The following SSBP4 variants were observed in gnomAD, a reference collection of about 807,000 sequenced individuals.
The protein encoded by SSBP4 is single stranded DNA binding protein 4, also known as single-stranded DNA-binding protein 4.
Under a neutral mutation model 64.6 loss-of-function variants are expected in SSBP4, and 33 were observed. The ratio of observed to expected loss-of-function variants is 0.51; its 90% CI spans 0.39 to 0.68. The LOEUF is 0.68. SSBP4 is among the 30% of genes least tolerant of loss of function. The probability of loss-of-function intolerance (pLI) is 0.00; values close to 1 mark genes in which losing one functional copy is unlikely to be tolerated. For synonymous variants in SSBP4, 243 were observed against 224.0 expected (o/e 1.08, Z -0.76); for missense variants, 583 against 566.8 (o/e 1.03, Z -0.29).
At chr19:18,434,183 G>C (rs1379106755) in intron 17 of SSBP4, 34 bp from the exon 18 acceptor site, 8 of 1,609,220 alleles carry the variant, frequency 5.0e-6, no homozygotes, top group South Asian at 1.1e-5. Context: ...AGCTGAACTC[G>C]GCCCCTGCGC....
chr19:18,430,258 C>G (rs980214361), intron 4 of SSBP4, among the ~76,000 whole-genome samples: 1 of 152,166 alleles, frequency 6.6e-6, no homozygotes, highest in African/African-American at 2.4e-5. Flanking sequence ...CCTGTAGGCC[C>G]CATAGCAGAC....
the SSBP4 span, among the ~76,000 whole-genome samples, chr19:18,406,885 T>G: frequency 6.6e-6 from 1 of 152,064 alleles, no homozygotes; most frequent in Non-Finnish European, 1.5e-5. Flanking sequence ...GAAGGTGGAC[T>G]GACATGGACA....
Position 18,419,485 on chromosome 19 carries a change from C to T in SSBP4, c.-164C>T, listed in dbSNP as rs1001111070. ...GGAGCTGGAGCCGCCGCTGCCGCCG[C>T]CGCCGCGGCCGTCTGGAGCTCCCCC... On this transcript the variant is annotated 5_prime_UTR_variant, in exon 1 of 18. Transcript: ENST00000270061. 16 of 1,087,582 alleles carry T rather than the reference C, an allele frequency of 1.5e-5. No homozygotes were observed. The African/African-American group carries it at 2.5e-4, about 17-fold the overall frequency. The allele number at this position is 1,087,582 out of a possible 1,614,324, so 67.4% of individuals were successfully genotyped here. A position where few individuals can be genotyped will look rare whatever the true frequency, so the allele number is the denominator to read the frequency against.
At chr19:18,433,285 C>T (rs1973624918) in intron 15 of SSBP4, 72 bp downstream of exon 15, 4 of 1,509,962 alleles carry the variant, frequency 2.6e-6, no homozygotes, top group Non-Finnish European at 2.7e-6. Flanking sequence ...TTCCCCCTGC[C>T]GTCAGCCCGC....
chr19:18,419,166 G>A (rs1972246192), upstream of SSBP4: 4 of 985,650 alleles, frequency 4.1e-6, no homozygotes, highest in Non-Finnish European at 4.8e-6. Context: ...GAACGTGTGT[G>A]TGCACGCGCG....
At chr19:18,428,564 T>C (rs1021538985) in intron 4 of SSBP4, among the ~76,000 whole-genome samples, 1 of 152,114 alleles carries the variant, frequency 6.6e-6, no homozygotes, top group African/African-American at 2.4e-5. Flanking sequence ...CCTGTTGTCA[T>C]GGGGCAGCAG....
rs1399716657 is a variant in SSBP4 at position 18,423,548 on chromosome 19, C to T, written c.60-3803C>T. On this transcript the variant is annotated intron_variant, in intron 1 of 17. Transcript: ENST00000270061. The surrounding 1 kb of genome is among the most constrained non-coding windows in gnomAD (Gnocchi z 4.0). ...CAGGTGTCTCCTGCCCCAGCAGCAT[C>T]TGTGTCTAGGAAGGCGCTGAGCAGG... Among the ~76,000 whole-genome samples, 5 of 152,204 alleles carry T rather than the reference C, an allele frequency of 3.3e-5. No individual in the cohort carries two copies. The highest frequency in any genetic ancestry group is 2.6e-4 in the Admixed American group (4 of 15,290).
At chr19:18,416,582 T>A (rs1401488786), upstream of SSBP4, among the ~76,000 whole-genome samples, 1 of 151,994 alleles carries the variant, frequency 6.6e-6, no homozygotes, top group Non-Finnish European at 1.5e-5. Context: ...TCTCACCCCC[T>A]CCCCTCTGGG....
chr19:18,419,349 C>T (rs1260022245), upstream of SSBP4: 11 of 1,018,382 alleles, frequency 1.1e-5, no homozygotes, highest in African/African-American at 1.7e-5. Flanking sequence ...CCGCGGGCGG[C>T]GTAGAGGCAG....
chr19:18,431,377 C>A lies in SSBP4; in HGVS notation c.394C>A (p.Pro132Thr). The A allele has an allele frequency of 7.1e-7, 1 of 1,414,378 alleles. No individual in the cohort carries two copies. The highest frequency in any genetic ancestry group is 9.6e-7 in the Non-Finnish European group (1 of 1,038,610). The allele number at this position is 1,414,378 out of a possible 1,614,324, so 87.6% of individuals were successfully genotyped here. A position where few individuals can be genotyped will look rare whatever the true frequency, so the allele number is the denominator to read the frequency against. Residue 132 changes from proline to threonine, a missense_variant, in exon 6 of 18, where the codon CCC becomes ACC. Physicochemically the swap from Pro to Thr is conservative, Grantham distance 38. Coordinates refer to ENST00000270061, the MANE Select transcript of SSBP4 (RefSeq NM_032627.5). ...FQGPPGSQPS[P>T]HNPNAPMMGP... The stretch of plus-strand genomic sequence containing the variant: ...GGGCCCCCCCGGCTCCCAGCCGTCC[C>A]CCCACAACCCCAACGCCCCCATGAT...
chr19:18,408,187 A>G, the SSBP4 span, among the ~76,000 whole-genome samples: 3 of 152,240 alleles, frequency 2.0e-5, no homozygotes, highest in Non-Finnish European at 2.9e-5. Context: ...AGTGACGCTG[A>G]CCACGGGAGG....
At chr19:18,433,477 CGGG>C (rs1973665047) in intron 15 of SSBP4, 105 bp from the exon 16 acceptor site, 1 of 914,552 alleles carries the variant, frequency 1.1e-6, no homozygotes, top group African/African-American at 3.9e-5. Flanking sequence ...CTGTGCGGGG[CGGG>C]GGCGCGTCGG....
chr19:18,419,735 G>A (rs2144667693), intron 1 of SSBP4, 28 bp downstream of exon 1: 2 of 1,137,002 alleles, frequency 1.8e-6, no homozygotes, highest in East Asian at 8.9e-5. Flanking sequence ...GGCGGGGCTC[G>A]GCGTCCGCGC....
chr19:18,432,545 G>GCGGTCTCTT lies in SSBP4; in HGVS notation c.705-12_705-4dup. ...GGACTAGCCCCAGAGTCTGTCATCC[G>GCGGTCTCTT]CGGTCTCTTCCAGGGGCCCAGGAGT... On this transcript the variant is annotated splice_polypyrimidine_tract_variant and intron_variant, in intron 10 of 17. Transcript: ENST00000270061. 6.4e-7 allele frequency: 1 copy of GCGGTCTCTT among 1,566,840 alleles called. No homozygotes were observed. Among genetic ancestry groups the GCGGTCTCTT allele is most frequent in the Non-Finnish European group, 8.7e-7 (1 of 1,152,880 alleles).
At chr19:18,425,108 G>A (rs1383228912) in intron 1 of SSBP4, among the ~76,000 whole-genome samples, 30 of 150,996 alleles carry the variant, frequency 2.0e-4, no homozygotes, top group Non-Finnish European at 3.5e-4. Flanking sequence ...CGGAGAGGGC[G>A]GGGTGGGCTC....
At chr19:18,417,405 T>G (rs1229667091), upstream of SSBP4, among the ~76,000 whole-genome samples, 1 of 152,064 alleles carries the variant, frequency 6.6e-6, no homozygotes, top group Non-Finnish European at 1.5e-5. This position sits in a 1 kb window ranked among gnomAD's most constrained non-coding sequence, Gnocchi z 5.4. Context: ...CACGGAGCTT[T>G]AGGAGATTAA....
At chr19:18,413,441 T>C in the SSBP4 span, among the ~76,000 whole-genome samples, 1 of 152,150 alleles carries the variant, frequency 6.6e-6, no homozygotes, top group South Asian at 2.1e-4. Context: ...CTCAAACTCC[T>C]GACCTCAGGT....
At chr19:18,407,741 T>C in the SSBP4 span, among the ~76,000 whole-genome samples, 1 of 151,788 alleles carries the variant, frequency 6.6e-6, no homozygotes, top group Non-Finnish European at 1.5e-5. Flanking sequence ...TTAGTAATTT[T>C]TGTTTTGTTT....
chr19:18,414,000 G>A (rs979342273), upstream of SSBP4, among the ~76,000 whole-genome samples: 2 of 150,378 alleles, frequency 1.3e-5, no homozygotes, highest in Non-Finnish European at 2.9e-5. Flanking sequence ...CTGGGCAACA[G>A]TGCAAGACTC....
Sources: allele counts gnomAD v4.1 joint callset (sites outside exome capture counted in the v4.1 genomes callset), GRCh38; gene constraint gnomAD v4.1.1; non-coding constraint Gnocchi (gnomAD v3.1); transcripts MANE v1.5; gene names NCBI Gene and HGNC (gene_info 2026-07-23, HGNC 2026-07-21).